CMTM8: variants seen among roughly 807,000 people sequenced by gnomAD.
The protein encoded by CMTM8 is CKLF-like MARVEL transmembrane domain-containing protein 8.
CMTM8 carries 12 observed loss-of-function variants against 18.6 expected under a neutral mutation model. That is an observed-to-expected ratio of 0.65 (90% confidence interval 0.41 to 1.05). The LOEUF is 1.05. Among genes scored for constraint, CMTM8 ranks in the 50% least tolerant of loss-of-function variants. The probability of loss-of-function intolerance (pLI) is 0.00; values close to 1 mark genes in which losing one functional copy is unlikely to be tolerated. For synonymous variants in CMTM8, 87 were observed against 90.6 expected, an observed-to-expected ratio of 0.96 and a Z score of 0.23; for missense variants, 217 against 227.2, an observed-to-expected ratio of 0.95 and a Z score of 0.29.
chr3:32,343,460 A>C (rs1217626257), intron 1 of CMTM8, among the ~76,000 whole-genome samples: 1 of 152,164 alleles, frequency 6.6e-6, no homozygotes, highest in Non-Finnish European at 1.5e-5. Context: ...TCTGTCTCAG[A>C]GATTTGGCAT....
At chr3:32,341,643 G>A (rs1327100339) in intron 1 of CMTM8, among the ~76,000 whole-genome samples, 3 of 152,072 alleles carry the variant, frequency 2.0e-5, no homozygotes, top group Non-Finnish European at 4.4e-5. Flanking sequence ...TTGGGAGGCC[G>A]AGGCAGGTGG....
At chr3:32,251,419 T>C (rs530717992) in intron 1 of CMTM8, among the ~76,000 whole-genome samples, 6 of 152,202 alleles carry the variant, frequency 3.9e-5, no homozygotes, top group Middle Eastern at 3.4e-3. Flanking sequence ...GCTCAGGTGA[T>C]CCTCCCACCT....
At chr3:32,313,538 C>G (rs1027300015) in intron 1 of CMTM8, among the ~76,000 whole-genome samples, 6 of 152,108 alleles carry the variant, frequency 3.9e-5, no homozygotes, top group African/African-American at 1.4e-4. Flanking sequence ...CTCCTGAGCT[C>G]AAGCAAGGTG....
chr3:32,360,723 A>T (rs939938737), intron 2 of CMTM8, among the ~76,000 whole-genome samples: 2 of 152,112 alleles, frequency 1.3e-5, no homozygotes, highest in Admixed American at 1.3e-4. Flanking sequence ...GACTGCCTAA[A>T]CTCTTGCTGC....
intron 1 of CMTM8, among the ~76,000 whole-genome samples, chr3:32,305,005 A>T (rs1016363278): frequency 5.9e-5 from 9 of 152,214 alleles, no homozygotes; most frequent in Admixed American, 1.3e-4. Context: ...GTGGCTGAGA[A>T]CCATCTCTTT....
chr3:32,328,244 G>A (rs1025250501), intron 1 of CMTM8, among the ~76,000 whole-genome samples: 6 of 151,682 alleles, frequency 4.0e-5, no homozygotes, highest in African/African-American at 1.5e-4. Context: ...AGGTATGGTG[G>A]CACACACCTG....
intron 1 of CMTM8, among the ~76,000 whole-genome samples, chr3:32,334,841 C>T (rs757336373): frequency 1.3e-5 from 2 of 152,124 alleles, no homozygotes; most frequent in Non-Finnish European, 2.9e-5. Context: ...GTTGTTGCTA[C>T]CCTGTGACAT....
intron 1 of CMTM8, among the ~76,000 whole-genome samples, chr3:32,317,485 C>G (rs755227628): frequency 6.6e-6 from 1 of 152,154 alleles, no homozygotes; most frequent in African/African-American, 2.4e-5. Context: ...TTTGAATTCA[C>G]ACATTGTTGG....
chr3:32,290,396 A>G (rs148631431), intron 1 of CMTM8, among the ~76,000 whole-genome samples: 9 of 152,366 alleles, frequency 5.9e-5, no homozygotes, highest in African/African-American at 1.9e-4. Flanking sequence ...AAGCATCAGT[A>G]TTGTAAGATG....
intron 1 of CMTM8, among the ~76,000 whole-genome samples, chr3:32,322,536 C>A (rs1010650302): frequency 2.6e-5 from 4 of 152,110 alleles, no homozygotes; most frequent in Admixed American, 2.0e-4. Context: ...GTAATGGATA[C>A]CTGTTGAGTT....
chr3:32,303,846 T>C (rs559078241), intron 1 of CMTM8, among the ~76,000 whole-genome samples: 102 of 152,300 alleles, frequency 6.7e-4, no homozygotes, highest in African/African-American at 2.3e-3. Context: ...CCCTAGGTAT[T>C]TCAGTATGTA....
At chr3:32,311,325 C>G (rs968700326) in intron 1 of CMTM8, among the ~76,000 whole-genome samples, 1 of 152,250 alleles carries the variant, frequency 6.6e-6, no homozygotes, top group Non-Finnish European at 1.5e-5. Flanking sequence ...TGTGAACTGT[C>G]TATAGCTGCC....
chr3:32,264,608 C>A (rs912441778), intron 1 of CMTM8, among the ~76,000 whole-genome samples: 1 of 152,112 alleles, frequency 6.6e-6, no homozygotes, highest in Non-Finnish European at 1.5e-5. Context: ...ACAATATTAA[C>A]CTTAAATGTA....
chr3:32,255,289 A>G (rs1490775353), intron 1 of CMTM8, among the ~76,000 whole-genome samples: 2 of 152,212 alleles, frequency 1.3e-5, no homozygotes, highest in Non-Finnish European at 2.9e-5. Context: ...TGCTGTTAAG[A>G]GTGGAACCGC....
chr3:32,289,164 A>C (rs57115487), intron 1 of CMTM8, among the ~76,000 whole-genome samples: 152 of 152,314 alleles, frequency 1.0e-3, no homozygotes, highest in African/African-American at 3.3e-3. Flanking sequence ...GCTACAGCTG[A>C]TTGTGCCCAT....
chr3:32,335,540 T>C (rs913643868), intron 1 of CMTM8, among the ~76,000 whole-genome samples: 1 of 152,166 alleles, frequency 6.6e-6, no homozygotes, highest in East Asian at 1.9e-4. Flanking sequence ...GGTGGTCAAC[T>C]CTCTCCATCT....
At chr3:32,342,694 C>T (rs1253606617) in intron 1 of CMTM8, among the ~76,000 whole-genome samples, 2 of 152,182 alleles carry the variant, frequency 1.3e-5, no homozygotes, top group East Asian at 3.8e-4. Flanking sequence ...GACTTCTTGG[C>T]TCCACACAAG....
intron 1 of CMTM8, among the ~76,000 whole-genome samples, chr3:32,341,243 A>C (rs143791881): frequency 1.3e-5 from 2 of 152,204 alleles, no homozygotes; most frequent in African/African-American, 4.8e-5. Flanking sequence ...GTGGATTTGC[A>C]TAGAGGCTTC....
chr3:32,318,151 T>G (rs372319149), intron 1 of CMTM8, among the ~76,000 whole-genome samples: 5 of 151,194 alleles, frequency 3.3e-5, no homozygotes, highest in African/African-American at 1.2e-4. Context: ...ACCTGTGGGA[T>G]GTCAGCGGGG....
Sources: gnomAD v4.1 joint callset for allele counts (sites outside exome capture counted in the v4.1 genomes callset) on GRCh38, gnomAD v4.1.1 for gene constraint, MANE v1.5 for transcripts, NCBI Gene and HGNC (gene_info 2026-07-23, HGNC 2026-07-21) for gene names.